CCDC148: variants seen among roughly 807,000 people sequenced by gnomAD.
CCDC148 encodes coiled-coil domain-containing protein 148.
Under a neutral mutation model 85.7 loss-of-function variants are expected in CCDC148, and 89 were observed. The observed-to-expected ratio is 1.04, with a 90% CI of 0.87 to 1.24. The LOEUF is 1.24. Ranked by LOEUF, CCDC148 falls within the 50% of genes most tolerant of loss-of-function variation. The probability of loss-of-function intolerance (pLI) is 0.00; values close to 1 mark genes in which losing one functional copy is unlikely to be tolerated. For synonymous variants in CCDC148, 230 were observed against 213.9 expected (o/e 1.08, Z -0.66); for missense variants, 692 against 671.7 (o/e 1.03, Z -0.33).
intron 1 of CCDC148, among the ~76,000 whole-genome samples, chr2:158,387,256 G>T (rs1164697007): frequency 6.7e-6 from 1 of 149,618 alleles, no homozygotes; most frequent in Admixed American, 6.7e-5. Flanking sequence ...AGTAGGCAAA[G>T]CTAGAAAACA....
At chr2:158,294,836 A>C (rs1236487422) in intron 9 of CCDC148, among the ~76,000 whole-genome samples, 24 of 151,048 alleles carry the variant, frequency 1.6e-4, no homozygotes, top group Non-Finnish European at 3.2e-4. Context: ...AAAAAAAACA[A>C]AAAAAAACCT....
intron 2 of CCDC148, among the ~76,000 whole-genome samples, chr2:158,352,168 C>T (rs1486292178): frequency 6.7e-6 from 1 of 150,024 alleles, no homozygotes; most frequent in Non-Finnish European, 1.5e-5. Context: ...AAGCAGAGTG[C>T]CTCTCCTCCT....
chr2:158,223,905 C>T (rs1687342040), intron 10 of CCDC148, among the ~76,000 whole-genome samples: 1 of 152,198 alleles, frequency 6.6e-6, no homozygotes, highest in Admixed American at 6.5e-5. Flanking sequence ...CTCTAAAAAT[C>T]AGAGTGCCTC....
rs746682522 is a variant in CCDC148 at position 158,309,399 on chromosome 2, A to G, written c.1110+34T>C. ...GGGAAAAATGGATTCTTAAATATCC[A>G]GACAAATACTGAAACACCTGTGCAG... is the stretch of plus-strand genomic sequence containing the variant. On this transcript the variant is annotated intron_variant, in intron 9 of 13. Coordinates refer to ENST00000283233, the MANE Select transcript of CCDC148 (RefSeq NM_138803.4). 7 of 1,534,632 alleles carry G rather than the reference A, an allele frequency of 4.6e-6. No individual in the cohort carries two copies. In the East Asian group the frequency reaches 1.4e-4, roughly 30 times the overall value.
chr2:158,290,112 C>T (rs529572278), intron 9 of CCDC148, among the ~76,000 whole-genome samples: 10 of 152,082 alleles, frequency 6.6e-5, no homozygotes, highest in South Asian at 2.1e-4. Flanking sequence ...ACCTGGGAGA[C>T]ATGTGAGATG....
intron 1 of CCDC148, among the ~76,000 whole-genome samples, chr2:158,448,550 C>G (rs1480126301): frequency 3.3e-5 from 5 of 151,820 alleles, no homozygotes; most frequent in Non-Finnish European, 5.9e-5. Context: ...TGCCATGTTA[C>G]CCAGGCTGGT....
intron 2 of CCDC148, among the ~76,000 whole-genome samples, chr2:158,351,535 C>T (rs1321246414): frequency 6.6e-6 from 1 of 152,154 alleles, no homozygotes; most frequent in Non-Finnish European, 1.5e-5. Flanking sequence ...AAAACCGGCG[C>T]ATCACGAGAT....
intron 7 of CCDC148, among the ~76,000 whole-genome samples, chr2:158,320,587 G>C (rs1294407720): frequency 6.6e-6 from 1 of 151,932 alleles, no homozygotes; most frequent in Non-Finnish European, 1.5e-5. Context: ...TTTAATCTTG[G>C]CTTTGCATAT....
At chr2:158,209,868 T>A (rs1347253597) in intron 11 of CCDC148, among the ~76,000 whole-genome samples, 2 of 140,244 alleles carry the variant, frequency 1.4e-5, no homozygotes, top group East Asian at 4.2e-4. Flanking sequence ...CATACCAAAT[T>A]GTAGACCATC....
At chr2:158,188,699 T>C (rs192156460) in intron 11 of CCDC148, among the ~76,000 whole-genome samples, 104 of 152,022 alleles carry the variant, frequency 6.8e-4, no homozygotes, top group African/African-American at 2.4e-3. Flanking sequence ...CATTTATGAC[T>C]AAGTCTTCTA....
At chr2:158,367,242 C>T (rs1684244797) in intron 1 of CCDC148, among the ~76,000 whole-genome samples, 1 of 152,166 alleles carries the variant, frequency 6.6e-6, no homozygotes, top group African/African-American at 2.4e-5. Context: ...ACACAAGTAC[C>T]AGGCAAAGCA....
intron 10 of CCDC148, among the ~76,000 whole-genome samples, chr2:158,250,467 C>T (rs76102301): frequency 7.9e-5 from 12 of 151,354 alleles, no homozygotes; most frequent in African/African-American, 4.8e-5. Flanking sequence ...TTTTTTGCCA[C>T]GTCCCTATTT....
chr2:158,440,178 A>G (rs1222004856), intron 1 of CCDC148, among the ~76,000 whole-genome samples: 2 of 152,094 alleles, frequency 1.3e-5, no homozygotes, highest in Admixed American at 6.6e-5. Flanking sequence ...CTAAAATTTA[A>G]ATGTTGATAA....
chr2:158,238,306 T>A (rs1363872629), intron 10 of CCDC148, among the ~76,000 whole-genome samples: 3 of 151,910 alleles, frequency 2.0e-5, no homozygotes, highest in Admixed American at 6.6e-5. Flanking sequence ...GGACTAGCCT[T>A]AGACAGGAGC....
intron 11 of CCDC148, among the ~76,000 whole-genome samples, chr2:158,197,211 C>A (rs902022095): frequency 2.0e-5 from 3 of 152,112 alleles, no homozygotes; most frequent in African/African-American, 7.2e-5. Flanking sequence ...ATCGAAAGAA[C>A]TGTAGAAGAA....
At chr2:158,252,059 GA>G (rs1339345115) in intron 9 of CCDC148, among the ~76,000 whole-genome samples, 1 of 151,698 alleles carries the variant, frequency 6.6e-6, no homozygotes, top group Non-Finnish European at 1.5e-5. Context: ...AGACAGCAGG[GA>G]AATGTAGAGG....
At chr2:158,412,866 T>G (rs1686326607) in intron 1 of CCDC148, among the ~76,000 whole-genome samples, 1 of 144,228 alleles carries the variant, frequency 6.9e-6, no homozygotes, top group Non-Finnish European at 1.5e-5. Context: ...ATTATTATTA[T>G]TATACTTTAA....
At chr2:158,247,103 T>C (rs1420371226) in intron 10 of CCDC148, among the ~76,000 whole-genome samples, 1 of 152,082 alleles carries the variant, frequency 6.6e-6, no homozygotes, top group Non-Finnish European at 1.5e-5. Flanking sequence ...TGAAAATACA[T>C]GCAACCCATA....
In CCDC148 at chr2:158,340,411, T is replaced by C. The variant is rs766286673; in HGVS notation, c.335-18A>G. The C allele has an allele frequency of 6.2e-7, 1 of 1,610,816 alleles. No individual in the cohort carries two copies. Among genetic ancestry groups the C allele is most frequent in the Non-Finnish European group, 8.5e-7 (1 of 1,178,218 alleles). On this transcript the variant is annotated intron_variant, in intron 4 of 13. Coordinates refer to ENST00000283233, the MANE Select transcript of CCDC148 (RefSeq NM_138803.4). Reference sequence around the variant, plus strand: ...CTCTTGCTCTATGGTGAAACAAAATTGAATTAAAGGAACACATTATTATTT... The same window carrying C: ...CTCTTGCTCTATGGTGAAACAAAATCGAATTAAAGGAACACATTATTATTT...
Sources: gnomAD v4.1 joint callset for allele counts (sites outside exome capture counted in the v4.1 genomes callset) on GRCh38, gnomAD v4.1.1 for gene constraint, MANE v1.5 for transcripts, NCBI Gene and HGNC (gene_info 2026-07-23, HGNC 2026-07-21) for gene names.